The following PLEKHM3 variants were observed in gnomAD, a reference collection of about 807,000 sequenced individuals.
PLEKHM3 encodes the protein pleckstrin homology domain-containing family M member 3.
A neutral mutation model predicts 81.8 loss-of-function variants in PLEKHM3; 45 were observed. The ratio of observed to expected loss-of-function variants is 0.55; its 90% confidence interval spans 0.43 to 0.71. The LOEUF (loss-of-function observed/expected upper bound fraction) is 0.71, where lower values mean the gene tolerates loss of function less well. PLEKHM3 is among the 30% of genes least tolerant of loss of function. PLEKHM3 has a pLI of 0.00. For missense variants in PLEKHM3, 788 were observed against 924.3 expected (o/e 0.85, Z 1.91); for synonymous variants, 352 against 356.4 (o/e 0.99, Z 0.14).
intron 1 of PLEKHM3, among the ~76,000 whole-genome samples, chr2:208,008,878 C>A (rs991455036): frequency 2.0e-5 from 3 of 152,196 alleles, no homozygotes; most frequent in Non-Finnish European, 4.4e-5. Flanking sequence ...TCCACACGTG[C>A]AACTCCAATA....
At chr2:207,957,915 ATGGG>A (rs1236108914) in intron 3 of PLEKHM3, among the ~76,000 whole-genome samples, 3 of 152,246 alleles carry the variant, frequency 2.0e-5, no homozygotes, top group African/African-American at 4.8e-5. Context: ...TTTTGGTAGG[ATGGG>A]TGGGTAAGCT....
At chr2:207,937,344 T>C (rs1294193854) in intron 4 of PLEKHM3, among the ~76,000 whole-genome samples, 7 of 152,154 alleles carry the variant, frequency 4.6e-5, no homozygotes, top group Non-Finnish European at 4.4e-5. Flanking sequence ...GGCAGCAGGA[T>C]TGCTTTAGGC....
chr2:207,829,178 A>G (rs1277855074), intron 7 of PLEKHM3, among the ~76,000 whole-genome samples: 1 of 152,264 alleles, frequency 6.6e-6, no homozygotes, highest in African/African-American at 2.4e-5. Context: ...TGTAATATGT[A>G]GAGAGCAAAC....
intron 6 of PLEKHM3, among the ~76,000 whole-genome samples, chr2:207,893,498 G>A (rs1439616507): frequency 1.3e-5 from 2 of 152,160 alleles, no homozygotes; most frequent in African/African-American, 2.4e-5. Flanking sequence ...TTTAGAAGTT[G>A]GGTTTTTTAA....
intron 5 of PLEKHM3, among the ~76,000 whole-genome samples, chr2:207,924,076 T>G (rs1301416664): frequency 6.6e-6 from 1 of 150,542 alleles, no homozygotes; most frequent in African/African-American, 2.4e-5. Flanking sequence ...CTGCTAATTT[T>G]TGTATTTTTA....
intron 4 of PLEKHM3, among the ~76,000 whole-genome samples, chr2:207,941,994 G>C (rs1185706698): frequency 6.6e-6 from 1 of 152,120 alleles, no homozygotes; most frequent in African/African-American, 2.4e-5. Context: ...TGGAGAAAAG[G>C]GAATGAATGC....
At chr2:207,958,538 C>T (rs1259818717) in intron 3 of PLEKHM3, among the ~76,000 whole-genome samples, 2 of 152,190 alleles carry the variant, frequency 1.3e-5, no homozygotes, top group South Asian at 2.1e-4. Flanking sequence ...GAAGGTCAAT[C>T]TCACCATCCT....
At chr2:207,909,292 T>C (rs1485534082) in intron 5 of PLEKHM3, among the ~76,000 whole-genome samples, 1 of 152,218 alleles carries the variant, frequency 6.6e-6, no homozygotes, top group African/African-American at 2.4e-5. Context: ...TAATCCGTTA[T>C]GGGTAAGCAA....
At chr2:207,966,984 CTTTTAT>C (rs1690937797) in intron 3 of PLEKHM3, among the ~76,000 whole-genome samples, 1 of 151,902 alleles carries the variant, frequency 6.6e-6, no homozygotes, top group East Asian at 1.9e-4. Flanking sequence ...CCTTTTCTTT[CTTTTAT>C]TTTTATTTTT....
chr2:207,906,772 G>C (rs1170176222), intron 6 of PLEKHM3, among the ~76,000 whole-genome samples: 5 of 151,954 alleles, frequency 3.3e-5, no homozygotes, highest in Admixed American at 6.6e-5. Context: ...CTGGGCAACA[G>C]AGCGAGACTG....
intron 4 of PLEKHM3, among the ~76,000 whole-genome samples, chr2:207,940,022 G>A (rs1689885919): frequency 6.6e-6 from 1 of 152,220 alleles, no homozygotes; most frequent in African/African-American, 2.4e-5. Context: ...AACATCTGGT[G>A]AGTGTGATGT....
rs2092236082 is a variant in PLEKHM3, at chr2:207,824,285, A to G, written c.*4034T>C. On this transcript the variant is annotated 3_prime_UTR_variant, in exon 8 of 8. Transcript: ENST00000427836. ...TGGTGCAGACAACTCAAGAAATAAAATGGGCAAAAATTATACACATCTCTA... is the reference window on the plus strand; with the variant it reads ...TGGTGCAGACAACTCAAGAAATAAAGTGGGCAAAAATTATACACATCTCTA... 1 of 152,226 alleles carries G rather than the reference A, an allele frequency of 6.6e-6. No individual in the cohort carries two copies. Among genetic ancestry groups the G allele is most frequent in the Non-Finnish European group, 1.5e-5 (1 of 68,036 alleles). 9.4% of individuals were successfully genotyped at this position (152,226 alleles called of 1,614,324 possible). A position where few individuals can be genotyped will look rare whatever the true frequency, so the allele number is the denominator to read the frequency against.
intron 6 of PLEKHM3, among the ~76,000 whole-genome samples, chr2:207,862,537 C>G (rs2092473238): frequency 6.6e-6 from 1 of 152,092 alleles, no homozygotes; most frequent in Non-Finnish European, 1.5e-5. Context: ...ACTCAGGAGG[C>G]TGAGGCAGGA....
chr2:207,842,801 A>G (rs1423733136), intron 7 of PLEKHM3, among the ~76,000 whole-genome samples: 2 of 152,172 alleles, frequency 1.3e-5, no homozygotes, highest in Non-Finnish European at 2.9e-5. Flanking sequence ...TTTCAACACC[A>G]CACATACTCA....
chr2:207,944,599 T>C (rs184710581), intron 4 of PLEKHM3, among the ~76,000 whole-genome samples: 1 of 152,316 alleles, frequency 6.6e-6, no homozygotes, highest in African/African-American at 2.4e-5. Context: ...ATTTCATCTC[T>C]TTAAGATCAC....
At chr2:207,970,053 C>CAA (rs1383301981) in intron 3 of PLEKHM3, among the ~76,000 whole-genome samples, 1 of 152,100 alleles carries the variant, frequency 6.6e-6, no homozygotes, top group Non-Finnish European at 1.5e-5. Context: ...CAGGCTTAAA[C>CAA]AGAGTACGGG....
At chr2:207,859,500 T>A (rs2092455702) in intron 7 of PLEKHM3, among the ~76,000 whole-genome samples, 1 of 152,142 alleles carries the variant, frequency 6.6e-6, no homozygotes, top group South Asian at 2.1e-4. Context: ...ATTTTGTTTA[T>A]CCATTCATCA....
Position 207,824,051 on chromosome 2 carries a change from G to T in PLEKHM3, c.*4268C>A, listed in dbSNP as rs867451813. On this transcript the variant is annotated 3_prime_UTR_variant, in exon 8 of 8. Coordinates refer to ENST00000427836, the MANE Select transcript of PLEKHM3 (RefSeq NM_001080475.3). Reference sequence around the variant, plus strand: ...GTCACCCATCACTGGATTCGACCTCGAGCAGACAGCTCTACCTGACTCAGG... The same window carrying T: ...GTCACCCATCACTGGATTCGACCTCTAGCAGACAGCTCTACCTGACTCAGG... The T allele has an allele frequency of 6.6e-6, 1 of 152,172 alleles. No homozygotes were observed. Among genetic ancestry groups the T allele is most frequent in the South Asian group, 2.1e-4 (1 of 4,826 alleles). The allele number at this position is 152,172 out of a possible 1,614,324, so 9.4% of individuals were successfully genotyped here.
rs1330875552 is a variant in PLEKHM3, at chr2:207,880,767, A to AAAAAAAAAAAAAC, written c.1951-19506_1951-19505insGTTTTTTTTTTTT. ...GACACAGCGAGACTCTGTCTCAAAA[A>AAAAAAAAAAAAAC]AAAAAAAAAAAAAAAAAAAAACCAA... On this transcript the variant is annotated intron_variant, in intron 6 of 7. Transcript: ENST00000427836. 4.8e-5 allele frequency among the ~76,000 whole-genome samples: 6 copies of AAAAAAAAAAAAAC among 124,208 alleles called. 2 individuals carry two copies. The East Asian group carries it at 1.1e-3, about 23-fold the overall frequency. 81.5% of individuals were successfully genotyped at this position (124,208 alleles called of 152,430 possible). A position where few individuals can be genotyped will look rare whatever the true frequency, so the allele number is the denominator to read the frequency against.
Sources: allele counts gnomAD v4.1 joint callset (sites outside exome capture counted in the v4.1 genomes callset), GRCh38; gene constraint gnomAD v4.1.1; transcripts MANE v1.5; gene names NCBI Gene and HGNC (gene_info 2026-07-23, HGNC 2026-07-21).